PAX7: variants seen among roughly 807,000 people sequenced by gnomAD.
PAX7 encodes the protein paired box 7, also known as paired box protein Pax-7.
In PAX7, 18 loss-of-function variants were observed where a neutral mutation model predicts 50.7. That is an observed-to-expected ratio of 0.36 (90% CI 0.25 to 0.53). The LOEUF is 0.53. PAX7 is among the 20% of genes least tolerant of loss of function. The pLI is 0.93. For missense variants in PAX7, 644 were observed against 702.9 expected, an observed-to-expected ratio of 0.92 and a Z score of 0.95; for synonymous variants, 310 against 290.4, an observed-to-expected ratio of 1.07 and a Z score of -0.69.
chr1:18,693,800 G>A (rs551497575), intron 5 of PAX7, among the ~76,000 whole-genome samples: 2 of 152,206 alleles, frequency 1.3e-5, no homozygotes, highest in Non-Finnish European at 2.9e-5. Context: ...CACGTCTGGC[G>A]GCCACGGCGG....
chr1:18,739,880 C>T (rs1931029808), intron 8 of PAX7, among the ~76,000 whole-genome samples: 1 of 152,106 alleles, frequency 6.6e-6, no homozygotes, highest in African/African-American at 2.4e-5. Flanking sequence ...TCCCAGAGGC[C>T]AGGGCTGTAC....
At chr1:18,663,680 C>T (rs1184892753) in intron 4 of PAX7, among the ~76,000 whole-genome samples, 1 of 152,196 alleles carries the variant, frequency 6.6e-6, no homozygotes, top group East Asian at 1.9e-4. Flanking sequence ...CCACAGCCAG[C>T]CTGAGCTGGA....
Position 18,636,260 on chromosome 1 carries a change from G to A in PAX7, c.475G>A (p.Val159Met), listed in dbSNP as rs2088154382. ...AGGTTTAGTGAGTTCGATTAGCCGC[G>A]TGCTCAGAATCAAGTTCGGGAAGAA... ...PSGLVSSISR[V>M]LRIKFGKKEE... is the part of the protein sequence containing the mutation. The change falls in exon 4 of 9, where the codon GTG (valine) becomes ATG (methionine). Residue 159 changes from valine (V) to methionine (M), a missense_variant. Val to Met is a conservative substitution (Grantham distance 21). Transcript: ENST00000420770. The surrounding 1 kb of genome is among the most constrained non-coding windows in gnomAD (Gnocchi z 5.1). The A allele has an allele frequency of 3.1e-6, 5 of 1,614,070 alleles. No individual in the cohort carries two copies. Among genetic ancestry groups the A allele is most frequent in the Non-Finnish European group, 4.2e-6 (5 of 1,180,008 alleles).
chr1:18,666,560 T>C (rs780780388), intron 4 of PAX7, among the ~76,000 whole-genome samples: 49 of 152,192 alleles, frequency 3.2e-4, no homozygotes, highest in Non-Finnish European at 6.8e-4. Flanking sequence ...GCTTTGATCC[T>C]CTTAGCCCCC....
At chr1:18,692,069 G>C in intron 5 of PAX7, 116 bp downstream of exon 5, 1 of 912,992 alleles carries the variant, frequency 1.1e-6, no homozygotes, top group Non-Finnish European at 1.6e-6. Context: ...AACAGGTTCA[G>C]GGGGTTGTGT....
intron 7 of PAX7, among the ~76,000 whole-genome samples, chr1:18,717,035 C>T (rs947490070): frequency 1.3e-5 from 2 of 151,644 alleles, no homozygotes; most frequent in Non-Finnish European, 2.9e-5. Context: ...CCTCCCCGCG[C>T]TCCGCCGCCG....
chr1:18,638,712 T>C (rs1214233440), intron 4 of PAX7, among the ~76,000 whole-genome samples: 2 of 150,440 alleles, frequency 1.3e-5, no homozygotes, highest in Non-Finnish European at 3.0e-5. Context: ...TGTAGATGGG[T>C]GTGAATGGGC....
intron 4 of PAX7, among the ~76,000 whole-genome samples, chr1:18,652,257 C>A (rs2088445532): frequency 6.6e-6 from 1 of 152,132 alleles, no homozygotes; most frequent in South Asian, 2.1e-4. Flanking sequence ...CCCGCCCCCC[C>A]ATTGCCCCAG....
chr1:18,646,602 C>T (rs2088343304), intron 4 of PAX7, among the ~76,000 whole-genome samples: 1 of 152,162 alleles, frequency 6.6e-6, no homozygotes, highest in Admixed American at 6.5e-5. Flanking sequence ...GCCCCCTCCC[C>T]GCCGCCCTCT....
intron 7 of PAX7, among the ~76,000 whole-genome samples, chr1:18,729,123 G>A (rs2089614925): frequency 6.6e-6 from 1 of 152,220 alleles, no homozygotes; most frequent in African/African-American, 2.4e-5. Context: ...TGGTCCATAG[G>A]GACACTTTCA....
intron 4 of PAX7, among the ~76,000 whole-genome samples, chr1:18,642,567 G>A (rs889537640): frequency 6.6e-6 from 1 of 152,186 alleles, no homozygotes; most frequent in Admixed American, 6.5e-5. Context: ...CAAACAGGAT[G>A]AGGGTTAGAG....
chr1:18,722,883 T>C (rs1391113886), intron 7 of PAX7, among the ~76,000 whole-genome samples: 1 of 152,198 alleles, frequency 6.6e-6, no homozygotes, highest in East Asian at 1.9e-4. Flanking sequence ...CTCTCCATCT[T>C]CTGTCTGCAT....
At chr1:18,740,425 T>A (rs1267631356) in intron 8 of PAX7, among the ~76,000 whole-genome samples, 1 of 152,108 alleles carries the variant, frequency 6.6e-6, no homozygotes, top group Non-Finnish European at 1.5e-5. Flanking sequence ...CAATGCAGAC[T>A]CCTCCTCCAT....
intron 7 of PAX7, among the ~76,000 whole-genome samples, chr1:18,724,906 C>T (rs1019679115): frequency 1.5e-4 from 23 of 152,200 alleles, no homozygotes; most frequent in Non-Finnish European, 2.6e-4. Context: ...AAGGCACTGA[C>T]GAAGGCAATA....
chr1:18,636,165 A>G lies in PAX7; in HGVS notation c.452-72A>G, dbSNP rs1231732193. 18 of 1,535,296 alleles carry G rather than the reference A, an allele frequency of 1.2e-5. No homozygotes were observed. Among genetic ancestry groups the G allele is most frequent in the Middle Eastern group, 2.0e-4 (1 of 4,898 alleles). ...GCAGGGGGCTTCCTGACTTTCTCCC[A>G]GGGGCCCAGGCCACCGCTCGCTCCT... On this transcript the variant is annotated intron_variant, in intron 3 of 8. Coordinates refer to ENST00000420770, the MANE Select transcript of PAX7 (RefSeq NM_001135254.2). This position sits in a 1 kb window ranked among gnomAD's most constrained non-coding sequence, Gnocchi z 5.1.
chr1:18,635,337 GCTGA>G (rs1557499777), intron 3 of PAX7, 97 bp downstream of exon 3: 13 of 1,421,796 alleles, frequency 9.1e-6, no homozygotes, highest in Non-Finnish European at 1.2e-5. Flanking sequence ...GGAGATGATG[GCTGA>G]CTGTGAACTT....
intron 7 of PAX7, among the ~76,000 whole-genome samples, chr1:18,716,816 TC>T (rs796995719): frequency 9.3e-5 from 14 of 149,798 alleles, no homozygotes; most frequent in African/African-American, 3.5e-4. Context: ...AAACACCTCT[TC>T]CCCCTCCATC....
At chr1:18,733,341 A>G (rs1334574925) in intron 7 of PAX7, among the ~76,000 whole-genome samples, 2 of 152,162 alleles carry the variant, frequency 1.3e-5, no homozygotes, top group Admixed American at 6.5e-5. Context: ...TCAGCTCCCT[A>G]AAGTAGTGCT....
At chr1:18,719,487 C>A (rs1435224778) in intron 7 of PAX7, among the ~76,000 whole-genome samples, 1 of 152,194 alleles carries the variant, frequency 6.6e-6, no homozygotes, top group Non-Finnish European at 1.5e-5. Context: ...GGCCTGAGGC[C>A]AAATGAATGT....
Sources: gnomAD v4.1 joint callset for allele counts (sites outside exome capture counted in the v4.1 genomes callset) on GRCh38, gnomAD v4.1.1 for gene constraint, Gnocchi (gnomAD v3.1) non-coding constraint, MANE v1.5 for transcripts, NCBI Gene and HGNC (gene_info 2026-07-23, HGNC 2026-07-21) for gene names.